The following CPVL variants were observed in gnomAD, a reference collection of about 807,000 sequenced individuals.
The protein encoded by CPVL is probable serine carboxypeptidase CPVL.
Under a neutral mutation model 63.7 loss-of-function variants are expected in CPVL, and 51 were observed. That is an observed-to-expected ratio of 0.80 (90% CI 0.64 to 1.01). CPVL has a LOEUF of 1.01. Among genes scored for constraint, CPVL ranks in the 50% least tolerant of loss-of-function variants. CPVL has a pLI of 0.00. For synonymous variants in CPVL, 195 were observed against 206.0 expected (o/e 0.95, Z 0.46); for missense variants, 530 against 573.1 (o/e 0.92, Z 0.77).
rs189854238 is a variant in CPVL, at chr7:29,026,170, T to C, written c.1320+4407A>G. Among the ~76,000 whole-genome samples, 6 of 152,212 alleles carry C rather than the reference T, an allele frequency of 3.9e-5. No homozygotes were observed. In the East Asian group the frequency reaches 9.6e-4, roughly 24 times the overall value. On this transcript the variant is annotated intron_variant, in intron 12 of 12. Coordinates refer to ENST00000265394, the MANE Select transcript of CPVL (RefSeq NM_031311.5). ...CTAGAAATCAATACCAAGGAAAACT[T>C]TGGAAACTGTATAAACACATGAAAA...
chr7:29,058,133 T>C (rs1471094920), intron 11 of CPVL, among the ~76,000 whole-genome samples: 1 of 152,190 alleles, frequency 6.6e-6, no homozygotes, highest in Non-Finnish European at 1.5e-5. Context: ...CTTGACAATA[T>C]TGAGTCTTCA....
chr7:29,146,590 C>G, upstream of CPVL: 1 of 1,550,054 alleles, frequency 6.5e-7, no homozygotes, highest in South Asian at 1.2e-5. Flanking sequence ...TCACATGACC[C>G]AGACCCACAG....
chr7:29,125,718 T>C (rs1256816356), intron 1 of CPVL, among the ~76,000 whole-genome samples: 3 of 152,188 alleles, frequency 2.0e-5, no homozygotes, highest in Non-Finnish European at 2.9e-5. Context: ...ATTCCAGATA[T>C]ATTCAAATAT....
intron 1 of CPVL, among the ~76,000 whole-genome samples, chr7:29,136,168 A>G (rs558346596): frequency 2.6e-5 from 4 of 152,240 alleles, no homozygotes; most frequent in Non-Finnish European, 4.4e-5. Flanking sequence ...AGGAAGAAAT[A>G]TATCTATAAC....
At chr7:29,158,376 T>TA (rs1794713745) in intron 5 of CPVL, among the ~76,000 whole-genome samples, 1 of 152,228 alleles carries the variant, frequency 6.6e-6, no homozygotes, top group Non-Finnish European at 1.5e-5. Flanking sequence ...ATGATGTGAC[T>TA]AAAACATGTA....
chr7:29,072,208 A>G (rs1040688658), intron 8 of CPVL, 93 bp downstream of exon 8: 3 of 1,417,822 alleles, frequency 2.1e-6, no homozygotes, highest in South Asian at 2.6e-5. Flanking sequence ...TTCCCTTATC[A>G]AAAGTTAGAC....
intron 3 of CPVL, among the ~76,000 whole-genome samples, chr7:29,101,797 C>A (rs1024544851): frequency 6.6e-6 from 1 of 152,132 alleles, no homozygotes; most frequent in Non-Finnish European, 1.5e-5. Context: ...CTCCTCTACA[C>A]ATACACATAT....
intron 11 of CPVL, among the ~76,000 whole-genome samples, chr7:29,063,450 C>T (rs967923910): frequency 2.6e-5 from 4 of 152,292 alleles, no homozygotes; most frequent in South Asian, 2.1e-4. Context: ...CTCTTACACA[C>T]GGCCAGTCAT....
intron 3 of CPVL, among the ~76,000 whole-genome samples, chr7:29,097,862 G>A (rs1168372432): frequency 6.6e-6 from 1 of 152,212 alleles, no homozygotes; most frequent in Non-Finnish European, 1.5e-5. Flanking sequence ...GCCAGGAGCA[G>A]AGCCAGACAG....
intron 6 of CPVL, among the ~76,000 whole-genome samples, chr7:29,088,234 T>C (rs915285605): frequency 1.3e-5 from 2 of 152,218 alleles, no homozygotes; most frequent in African/African-American, 2.4e-5. Flanking sequence ...TATAAGTATG[T>C]CCCAAATATT....
Position 29,066,022 on chromosome 7 carries a change from C to A in CPVL, c.963+1G>T. ...TATTATGGTTTTTAAAATGTCATTACCGTGCACCGCAAAAAGTTATAGTAA... is the reference window on the plus strand; with the variant it reads ...TATTATGGTTTTTAAAATGTCATTAACGTGCACCGCAAAAAGTTATAGTAA... On this transcript the variant is annotated splice_donor_variant, in intron 10 of 12. Coordinates refer to ENST00000265394, the MANE Select transcript of CPVL (RefSeq NM_031311.5). LOFTEE classifies it high-confidence loss of function. 6.4e-7 allele frequency: 1 copy of A among 1,552,418 alleles called. No homozygotes were observed. Among genetic ancestry groups the A allele is most frequent in the East Asian group, 2.3e-5 (1 of 44,386 alleles).
intron 7 of CPVL, among the ~76,000 whole-genome samples, chr7:29,083,359 C>T (rs1408812619): frequency 6.6e-6 from 1 of 152,204 alleles, no homozygotes; most frequent in Admixed American, 6.5e-5. Flanking sequence ...TGTGAGGGCC[C>T]CCCATCCTGG....
intron 1 of CPVL, chr7:29,195,036 C>A: frequency 1.3e-6 from 2 of 1,563,728 alleles, no homozygotes; most frequent in South Asian, 1.2e-5. Flanking sequence ...GGGTCTCGCC[C>A]CACTGCCCTC....
At chr7:29,149,296 G>A (rs1391570216), upstream of CPVL, among the ~76,000 whole-genome samples, 4 of 147,672 alleles carry the variant, frequency 2.7e-5, no homozygotes, top group Non-Finnish European at 5.9e-5. Flanking sequence ...GGGTTCAAGC[G>A]ATTCCCTGCT....
intron 12 of CPVL, among the ~76,000 whole-genome samples, chr7:29,021,607 A>T (rs2128143334): frequency 6.6e-6 from 1 of 152,182 alleles, no homozygotes; most frequent in African/African-American, 2.4e-5. Context: ...TCAGCAGTCC[A>T]TATTCCCACC....
chr7:29,121,894 T>G (rs1253266683), intron 1 of CPVL, among the ~76,000 whole-genome samples: 1 of 152,152 alleles, frequency 6.6e-6, no homozygotes, highest in Non-Finnish European at 1.5e-5. Flanking sequence ...ACAACTACCC[T>G]TAGGTTCCTC....
chr7:29,138,562 T>G (rs1013306003), intron 1 of CPVL, among the ~76,000 whole-genome samples: 1 of 152,132 alleles, frequency 6.6e-6, no homozygotes, highest in Middle Eastern at 3.4e-3. Context: ...GATGGCTGGG[T>G]GGGTGGACAG....
At chr7:29,088,562 G>T (rs1168998611) in intron 6 of CPVL, among the ~76,000 whole-genome samples, 1 of 152,118 alleles carries the variant, frequency 6.6e-6, no homozygotes, top group Non-Finnish European at 1.5e-5. Context: ...ATTTACATAT[G>T]CCATTTGCTC....
At chr7:29,158,577 A>C (rs1343261245) in intron 5 of CPVL, among the ~76,000 whole-genome samples, 1 of 152,206 alleles carries the variant, frequency 6.6e-6, no homozygotes, top group East Asian at 1.9e-4. Flanking sequence ...ATTTCCTTCA[A>C]CATCCTCTAC....
Sources: gnomAD v4.1 joint callset for allele counts (sites outside exome capture counted in the v4.1 genomes callset) on GRCh38, gnomAD v4.1.1 for gene constraint, MANE v1.5 for transcripts, NCBI Gene and HGNC (gene_info 2026-07-23, HGNC 2026-07-21) for gene names.